ROR2: variants seen among roughly 807,000 people sequenced by gnomAD.
ROR2 encodes ROR family WNT receptor 2, also known as tyrosine-protein kinase transmembrane receptor ROR2.
ROR2 carries 33 observed loss-of-function variants against 74.9 expected under a neutral mutation model. That is an observed-to-expected ratio of 0.44 (90% CI 0.33 to 0.59). The LOEUF (loss-of-function observed/expected upper bound fraction) is 0.59, where lower values mean the gene tolerates loss of function less well. ROR2 is among the 20% of genes least tolerant of loss of function. The pLI is 0.02. For synonymous variants in ROR2, 586 were observed against 558.7 expected (o/e 1.05, Z -0.69); for missense variants, 1,216 against 1,313.8 (o/e 0.93, Z 1.15).
At chr9:91,893,262 CA>C (rs1159781411) in intron 1 of ROR2, among the ~76,000 whole-genome samples, 3 of 151,928 alleles carry the variant, frequency 2.0e-5, no homozygotes, top group African/African-American at 7.2e-5. Flanking sequence ...TTTGGGAGGC[CA>C]AGACAGGAGA....
At chr9:91,764,464 A>G (rs575832237) in intron 2 of ROR2, among the ~76,000 whole-genome samples, 2 of 152,074 alleles carry the variant, frequency 1.3e-5, no homozygotes, top group East Asian at 1.9e-4. Context: ...AAAGTTATAC[A>G]TAAGTGGCTA....
intron 2 of ROR2, among the ~76,000 whole-genome samples, chr9:91,771,598 A>G (rs910375338): frequency 1.3e-5 from 2 of 152,238 alleles, no homozygotes; most frequent in Non-Finnish European, 2.9e-5. Context: ...GTACTTTGGC[A>G]TATGAAAACT....
Position 91,763,039 on chromosome 9 carries a change from G to A in ROR2, c.176-5480C>T, listed in dbSNP as rs181945689. Among the ~76,000 whole-genome samples the A allele has an allele frequency of 2.8e-3, 428 of 152,288 alleles. 2 individuals carry two copies. The highest frequency in any genetic ancestry group is 5.3e-3 in the Non-Finnish European group (363 of 68,030). ...TCCTTTGCGCAACATGGATGCAGCTGGAGGCCATTACCCTAAGCAAATTAA... is the reference window on the plus strand; with the variant it reads ...TCCTTTGCGCAACATGGATGCAGCTAGAGGCCATTACCCTAAGCAAATTAA... On this transcript the variant is annotated intron_variant, in intron 2 of 8. Transcript: ENST00000375708.
At chr9:91,864,189 C>T (rs779914578) in intron 1 of ROR2, among the ~76,000 whole-genome samples, 1 of 152,270 alleles carries the variant, frequency 6.6e-6, no homozygotes, top group Middle Eastern at 3.4e-3. Flanking sequence ...AATTCAAATT[C>T]GACAGGAAAG....
Position 91,806,163 on chromosome 9 carries a change from C to G in ROR2, c.98-30345G>C, listed in dbSNP as rs577322769. ...GGGACAGGGGGTTCTCTCAGTGCACCTGAGCCACTCTAACAGCATACCATA... is the reference window on the plus strand; with the variant it reads ...GGGACAGGGGGTTCTCTCAGTGCACGTGAGCCACTCTAACAGCATACCATA... On this transcript the variant is annotated intron_variant, in intron 1 of 8. Transcript: ENST00000375708. 2.4e-4 allele frequency among the ~76,000 whole-genome samples: 36 copies of G among 152,318 alleles called. 2 individuals are homozygous for G. In the East Asian group the frequency reaches 4.2e-3, roughly 18 times the overall value.
At chr9:91,775,686 G>T in intron 2 of ROR2, 55 bp downstream of exon 2, 1 of 1,535,358 alleles carries the variant, frequency 6.5e-7, no homozygotes, top group Non-Finnish European at 9.0e-7. Flanking sequence ...TGCAAGATGA[G>T]CCTCAGCACA....
At chr9:91,876,048 G>C (rs1443148844) in intron 1 of ROR2, among the ~76,000 whole-genome samples, 4 of 140,576 alleles carry the variant, frequency 2.8e-5, no homozygotes, top group Non-Finnish European at 6.0e-5. Context: ...CCTGCAGGGG[G>C]CAAAAAAAAA....
At chr9:91,906,061 A>G (rs1229288144) in intron 1 of ROR2, among the ~76,000 whole-genome samples, 2 of 151,906 alleles carry the variant, frequency 1.3e-5, no homozygotes, top group Admixed American at 6.5e-5. Context: ...CAGGCATAAT[A>G]AAGTTAAACT....
At chr9:91,944,208 T>C (rs772243604) in intron 1 of ROR2, among the ~76,000 whole-genome samples, 27 of 152,182 alleles carry the variant, frequency 1.8e-4, no homozygotes, top group Non-Finnish European at 3.1e-4. Context: ...TACTGAATAC[T>C]GTAGGCAACT....
At chr9:91,843,076 G>GA (rs371021498) in intron 1 of ROR2, among the ~76,000 whole-genome samples, 3 of 151,972 alleles carry the variant, frequency 2.0e-5, no homozygotes, top group East Asian at 1.9e-4. Flanking sequence ...AAAAATGAGA[G>GA]AAAAAAAACC....
At chr9:91,818,933 T>C (rs189199456) in intron 1 of ROR2, among the ~76,000 whole-genome samples, 1 of 152,088 alleles carries the variant, frequency 6.6e-6, no homozygotes, top group East Asian at 1.9e-4. Flanking sequence ...CCCCTCCCTC[T>C]TCTGCAGGTC....
chr9:91,740,563 G>A (rs968948121), intron 4 of ROR2, among the ~76,000 whole-genome samples: 1 of 142,490 alleles, frequency 7.0e-6, no homozygotes, highest in Admixed American at 6.8e-5. Context: ...GGCGGGGGGG[G>A]GAATATATAT....
chr9:91,757,613 G>C, intron 2 of ROR2, 54 bp from the exon 3 acceptor site: 1 of 1,580,750 alleles, frequency 6.3e-7, no homozygotes, highest in Non-Finnish European at 8.6e-7. Flanking sequence ...CTGGAAGGAA[G>C]GGCTACCTGG....
At chr9:91,834,695 G>A (rs1186611341) in intron 1 of ROR2, among the ~76,000 whole-genome samples, 1 of 152,172 alleles carries the variant, frequency 6.6e-6, no homozygotes, top group Non-Finnish European at 1.5e-5. Flanking sequence ...AAATTGTCAG[G>A]ACCTTCTCCA....
chr9:91,878,296 G>C (rs1177240552), intron 1 of ROR2, among the ~76,000 whole-genome samples: 1 of 152,172 alleles, frequency 6.6e-6, no homozygotes, highest in Non-Finnish European at 1.5e-5. Context: ...TCAGGGTCCT[G>C]GGCTCCTTCG....
intron 1 of ROR2, among the ~76,000 whole-genome samples, chr9:91,803,397 G>A (rs117530873): frequency 9.2e-5 from 14 of 152,338 alleles, no homozygotes; most frequent in Non-Finnish European, 1.9e-4. Context: ...GCCAGAGGCT[G>A]GAGGAGGGGA....
At chr9:91,737,331 T>C in intron 5 of ROR2, 60 bp downstream of exon 5, 5 of 1,610,508 alleles carry the variant, frequency 3.1e-6, no homozygotes, top group Non-Finnish European at 4.2e-6. Flanking sequence ...GGCCACCATC[T>C]GTGCGACAGA....
chr9:91,775,994 T>C (rs1826408599), intron 1 of ROR2, among the ~76,000 whole-genome samples, 176 bp from the exon 2 acceptor site: 1 of 152,190 alleles, frequency 6.6e-6, no homozygotes, highest in Admixed American at 6.5e-5. Context: ...TATAAAGATA[T>C]GATGTAACAG....
intron 1 of ROR2, among the ~76,000 whole-genome samples, chr9:91,894,324 C>T (rs1564024758): frequency 6.6e-6 from 1 of 152,196 alleles, no homozygotes; most frequent in East Asian, 1.9e-4. Context: ...TCTGATCTCC[C>T]CTGGCATCAT....
Sources: gnomAD v4.1 joint callset for allele counts (sites outside exome capture counted in the v4.1 genomes callset) on GRCh38, gnomAD v4.1.1 for gene constraint, MANE v1.5 for transcripts, NCBI Gene and HGNC (gene_info 2026-07-23, HGNC 2026-07-21) for gene names.